The following NRXN1 variants were observed in gnomAD, a reference collection of about 807,000 sequenced individuals.
NRXN1 encodes neurexin-1.
In NRXN1, 39 loss-of-function variants were observed where a neutral mutation model predicts 150.9. The observed-to-expected ratio is 0.26, with a 90% CI of 0.20 to 0.34. NRXN1 has a LOEUF of 0.34. Ranked by LOEUF, NRXN1 falls within the 10% of genes least tolerant of loss-of-function variation. The pLI is 1.00. For synonymous variants in NRXN1, 924 were observed against 757.0 expected (o/e 1.22, Z -3.62); for missense variants, 1,815 against 1,949.9 (o/e 0.93, Z 1.30).
At chr2:49,922,351 A>G (rs1558508100) in intron 22 of NRXN1, 100 bp from the exon 23 acceptor site, 2 of 1,196,008 alleles carry the variant, frequency 1.7e-6, no homozygotes, top group Non-Finnish European at 1.2e-6. Context: ...AACAGCACCT[A>G]TGCTTTAGGA....
chr2:50,847,425 C>G (rs1673822720), intron 5 of NRXN1, among the ~76,000 whole-genome samples: 1 of 152,020 alleles, frequency 6.6e-6, no homozygotes, highest in Non-Finnish European at 1.5e-5. Context: ...GGAAACAATA[C>G]TGGAGTGCTG....
rs1446936167 is a variant in NRXN1, at chr2:50,236,904, C to T, written c.3431G>A (p.Arg1144Gln). The change falls in exon 18 of 23, where the codon CGA becomes CAA. Residue 1144 changes from arginine to glutamine, a missense_variant. Physicochemically the swap from Arg to Gln is conservative, Grantham distance 43. Around this residue, in one of 6 missense-constraint regions of NRXN1, gnomAD observed 339 missense variants for 440.3 expected, o/e 0.77. Coordinates refer to ENST00000401669, the MANE Select transcript of NRXN1 (RefSeq NM_001330078.2). ...CAGTCTGTCTGCTCGTGTACTGGGT[C>T]GGTCATTAGGAGGCCACTTATACGT... ...QITYKWPPND[R>Q]PSTRADRLAI... 2 of 1,613,268 alleles carry T rather than the reference C, an allele frequency of 1.2e-6. No homozygotes were observed. Among genetic ancestry groups the T allele is most frequent in the South Asian group, 1.1e-5 (1 of 91,078 alleles).
At chr2:50,716,559 G>A (rs1193140587) in intron 5 of NRXN1, among the ~76,000 whole-genome samples, 1 of 151,990 alleles carries the variant, frequency 6.6e-6, no homozygotes, top group African/African-American at 2.4e-5. Context: ...CCTTACATAA[G>A]CAAGTGATCC....
At chr2:50,384,501 A>C in intron 17 of NRXN1, among the ~76,000 whole-genome samples, 1 of 103,352 alleles carries the variant, frequency 9.7e-6, no homozygotes, top group African/African-American at 4.4e-5. Context: ...GCAAGACTCC[A>C]TCTCAAAAAA....
intron 17 of NRXN1, among the ~76,000 whole-genome samples, chr2:50,251,210 T>C (rs948972897): frequency 6.6e-6 from 1 of 152,032 alleles, no homozygotes; most frequent in Non-Finnish European, 1.5e-5. Context: ...GGCACCACTG[T>C]GGTGAGCTCC....
In NRXN1 at chr2:49,942,272, C is replaced by T. The variant is rs116861024; in HGVS notation, c.4216+1432G>A. Among the ~76,000 whole-genome samples the T allele has an allele frequency of 2.0e-3, 300 of 152,244 alleles. 2 individuals carry two copies. The highest frequency in any genetic ancestry group is 0.014 in the East Asian group (73 of 5,148). On this transcript the variant is annotated intron_variant, in intron 22 of 22. Transcript: ENST00000401669. ...AGAGCATACCCAGCCTGGTCTCCCA[C>T]GCCCTGTCCTGTTGCGAGGTGACTG...
intron 17 of NRXN1, among the ~76,000 whole-genome samples, chr2:50,382,993 C>T (rs1289047330): frequency 1.3e-5 from 2 of 152,226 alleles, no homozygotes; most frequent in African/African-American, 2.4e-5. Context: ...CATTATCTTG[C>T]CTTTTTTTAT....
intron 17 of NRXN1, among the ~76,000 whole-genome samples, chr2:50,308,824 T>C (rs181016165): frequency 6.6e-6 from 1 of 152,248 alleles, no homozygotes; most frequent in East Asian, 1.9e-4. Flanking sequence ...CAGATTTGGG[T>C]TAATGATCTG....
chr2:50,929,151 C>T (rs1687359056), intron 2 of NRXN1, among the ~76,000 whole-genome samples: 1 of 151,962 alleles, frequency 6.6e-6, no homozygotes, highest in East Asian at 1.9e-4. Flanking sequence ...CGGCCCCCAG[C>T]TTATAAGAAT....
chr2:50,985,644 A>G (rs533564122), intron 2 of NRXN1, among the ~76,000 whole-genome samples: 1 of 151,924 alleles, frequency 6.6e-6, no homozygotes, highest in Non-Finnish European at 1.5e-5. Flanking sequence ...ATGGAGAATG[A>G]GAAATAGTCA....
rs1681928022 is a variant in NRXN1 at position 50,629,825 on chromosome 2, A to G, written c.833-6210T>C. 2.0e-5 allele frequency among the ~76,000 whole-genome samples: 3 copies of G among 151,522 alleles called. No homozygotes were observed. In the South Asian group the frequency reaches 6.2e-4, roughly 31 times the overall value. ...TGAATATTAATATCCTTTAATTACC[A>G]TTTGCTCTTAAGAGTAATCTCTCAA... On this transcript the variant is annotated intron_variant, in intron 5 of 22. Transcript: ENST00000401669.
intron 18 of NRXN1, among the ~76,000 whole-genome samples, chr2:50,197,180 G>A (rs2061831455): frequency 6.6e-6 from 1 of 152,046 alleles, no homozygotes; most frequent in East Asian, 1.9e-4. Context: ...CTATACTTGA[G>A]TTCAGCTGCC....
intron 12 of NRXN1, among the ~76,000 whole-genome samples, chr2:50,507,910 A>C (rs967396919): frequency 1.3e-5 from 2 of 152,018 alleles, no homozygotes; most frequent in African/African-American, 4.8e-5. Flanking sequence ...TTGTTTAACC[A>C]AATTCTGCCA....
At chr2:50,222,034 T>G (rs1440309434) in intron 18 of NRXN1, among the ~76,000 whole-genome samples, 1 of 151,926 alleles carries the variant, frequency 6.6e-6, no homozygotes, top group Non-Finnish European at 1.5e-5. Flanking sequence ...AAATAAAAAG[T>G]GACTAGAGGC....
intron 17 of NRXN1, among the ~76,000 whole-genome samples, chr2:50,449,860 A>T (rs76209117): frequency 1.3e-5 from 2 of 152,144 alleles, no homozygotes; most frequent in African/African-American, 4.8e-5. Context: ...ATGTTACCAT[A>T]CATCATCTTT....
chr2:50,451,553 C>T (rs1012881898), intron 17 of NRXN1, among the ~76,000 whole-genome samples: 1 of 152,144 alleles, frequency 6.6e-6, no homozygotes, highest in African/African-American at 2.4e-5. Flanking sequence ...TGCTCTGCAT[C>T]GGTTCTTCCT....
At chr2:50,056,664 A>C (rs1693673132) in intron 19 of NRXN1, among the ~76,000 whole-genome samples, 1 of 152,110 alleles carries the variant, frequency 6.6e-6, no homozygotes, top group Non-Finnish European at 1.5e-5. Flanking sequence ...GTGTGTTTGC[A>C]TATATGCATA....
intron 17 of NRXN1, among the ~76,000 whole-genome samples, chr2:50,423,319 C>T (rs2084150049): frequency 6.6e-6 from 1 of 152,036 alleles, no homozygotes; most frequent in Admixed American, 6.6e-5. Flanking sequence ...GATTGGATCC[C>T]CTCCTATCCA....
At chr2:50,190,142 G>C (rs2061355248) in intron 18 of NRXN1, among the ~76,000 whole-genome samples, 1 of 152,104 alleles carries the variant, frequency 6.6e-6, no homozygotes, top group Admixed American at 6.6e-5. Context: ...ACTAGAGTAA[G>C]ATCATGAAAA....
Sources: gnomAD v4.1 joint callset for allele counts (sites outside exome capture counted in the v4.1 genomes callset) on GRCh38, gnomAD v4.1.1 for gene constraint, gnomAD v4.1.1 regional missense constraint, MANE v1.5 for transcripts, NCBI Gene and HGNC (gene_info 2026-07-23, HGNC 2026-07-21) for gene names.